PCDH9: variants seen among roughly 807,000 people sequenced by gnomAD.
PCDH9 encodes protocadherin 9.
PCDH9 carries 24 observed loss-of-function variants against 70.6 expected under a neutral mutation model. The observed-to-expected ratio is 0.34, with a 90% CI of 0.25 to 0.48. The LOEUF (loss-of-function observed/expected upper bound fraction) is 0.48. Ranked by LOEUF, PCDH9 falls within the 20% of genes least tolerant of loss-of-function variation. PCDH9 has a pLI of 0.99. For synonymous variants in PCDH9, 562 were observed against 558.5 expected (o/e 1.01, Z -0.09); for missense variants, 1,281 against 1,503.6 (o/e 0.85, Z 2.45).
At chr13:66,372,278 C>G (rs1566276686) in intron 4 of PCDH9, among the ~76,000 whole-genome samples, 1 of 151,706 alleles carries the variant, frequency 6.6e-6, no homozygotes, top group Non-Finnish European at 1.5e-5. Flanking sequence ...TAAAGTGATA[C>G]CAGAGTTCTA....
chr13:66,705,013 T>C (rs1298630737), intron 3 of PCDH9, among the ~76,000 whole-genome samples: 1 of 152,186 alleles, frequency 6.6e-6, no homozygotes, highest in Non-Finnish European at 1.5e-5. Context: ...TTTATTTTTT[T>C]GAATTTTAAT....
chr13:66,572,411 C>T (rs908982279), intron 4 of PCDH9, among the ~76,000 whole-genome samples: 1 of 152,138 alleles, frequency 6.6e-6, no homozygotes, highest in African/African-American at 2.4e-5. Flanking sequence ...CTACTCTCTA[C>T]CTCCATGAGA....
chr13:66,488,040 G>A (rs1264062984), intron 4 of PCDH9, among the ~76,000 whole-genome samples: 1 of 152,088 alleles, frequency 6.6e-6, no homozygotes, highest in African/African-American at 2.4e-5. Context: ...ACCATACACA[G>A]CATCCAACAT....
At chr13:66,752,356 G>C (rs1182730202) in intron 3 of PCDH9, among the ~76,000 whole-genome samples, 4 of 152,130 alleles carry the variant, frequency 2.6e-5, no homozygotes, top group Non-Finnish European at 5.9e-5. Flanking sequence ...ATATGCAACG[G>C]TGCAATCTTG....
At chr13:66,420,219 G>A (rs191927784) in intron 4 of PCDH9, among the ~76,000 whole-genome samples, 12 of 152,274 alleles carry the variant, frequency 7.9e-5, no homozygotes, top group South Asian at 2.1e-4. Flanking sequence ...ACAGAGCACC[G>A]AGGGTACAGG....
intron 3 of PCDH9, among the ~76,000 whole-genome samples, chr13:66,877,097 C>CA (rs1015533573): frequency 9.9e-5 from 15 of 151,482 alleles, no homozygotes; most frequent in Non-Finnish European, 1.3e-4. Context: ...TTTTAACCAT[C>CA]AAAAAATATA....
intron 2 of PCDH9, among the ~76,000 whole-genome samples, chr13:67,052,719 T>C (rs1407711449): frequency 6.6e-6 from 1 of 152,062 alleles, no homozygotes; most frequent in Non-Finnish European, 1.5e-5. Flanking sequence ...ATATAGATTA[T>C]ATATAAGTAT....
At chr13:66,951,361 T>C (rs886570211) in intron 2 of PCDH9, among the ~76,000 whole-genome samples, 16 of 152,268 alleles carry the variant, frequency 1.1e-4, no homozygotes, top group African/African-American at 3.4e-4. Flanking sequence ...GAAAATTGAA[T>C]GTAATTTTCT....
At chr13:66,417,989 G>A (rs1317083720) in intron 4 of PCDH9, among the ~76,000 whole-genome samples, 1 of 152,106 alleles carries the variant, frequency 6.6e-6, no homozygotes. Context: ...TTCTTTTGCT[G>A]TGCAGAAGCT....
intron 4 of PCDH9, among the ~76,000 whole-genome samples, chr13:66,602,941 C>T (rs997695819): frequency 1.4e-5 from 2 of 145,878 alleles, no homozygotes; most frequent in African/African-American, 4.9e-5. Flanking sequence ...AATATAGTAA[C>T]ATGTTGTACA....
intron 2 of PCDH9, among the ~76,000 whole-genome samples, chr13:67,166,726 T>C (rs1410635613): frequency 1.3e-5 from 2 of 152,182 alleles, no homozygotes; most frequent in Admixed American, 6.5e-5. Flanking sequence ...AGAAATAAAG[T>C]TCTTTCCATA....
chr13:66,632,947 A>G (rs1278626712), intron 3 of PCDH9, among the ~76,000 whole-genome samples: 2 of 152,162 alleles, frequency 1.3e-5, no homozygotes, highest in Non-Finnish European at 2.9e-5. Flanking sequence ...GAGACAATTT[A>G]TAGATTGTAT....
intron 4 of PCDH9, among the ~76,000 whole-genome samples, chr13:66,522,964 TATA>T (rs1960064680): frequency 6.6e-6 from 1 of 152,104 alleles, no homozygotes; most frequent in Non-Finnish European, 1.5e-5. Flanking sequence ...TAGCAAATAA[TATA>T]ATATCTTAAC....
intron 3 of PCDH9, among the ~76,000 whole-genome samples, chr13:66,694,711 T>A (rs984418946): frequency 6.6e-6 from 1 of 151,978 alleles, no homozygotes; most frequent in Non-Finnish European, 1.5e-5. Context: ...TGATATCATA[T>A]ATATTGTATA....
chr13:66,610,422 A>G (rs954942999), intron 4 of PCDH9, among the ~76,000 whole-genome samples: 12 of 152,124 alleles, frequency 7.9e-5, no homozygotes, highest in Non-Finnish European at 1.5e-4. Flanking sequence ...TTCATACTTT[A>G]TACCCTTTTG....
chr13:66,779,484 C>CA (rs1332859328), intron 3 of PCDH9, among the ~76,000 whole-genome samples: 1 of 151,964 alleles, frequency 6.6e-6, no homozygotes, highest in African/African-American at 2.4e-5. Context: ...GCTAGACAGA[C>CA]AAAAAATATA....
In PCDH9 at chr13:66,304,260, CAAAAAAAAAAAAA is replaced by C. The variant is rs55837718; in HGVS notation, c.*382_*394del. On this transcript the variant is annotated 3_prime_UTR_variant, in exon 5 of 5. Transcript: ENST00000377865. ...TAGCAGTCCCAGCACAAATCAATGA[CAAAAAAAAAAAAA>C]AAAAAAAAAAAAAGCACAATTTTCT... The C allele has an allele frequency of 1.6e-5, 1 of 63,540 alleles. No individual in the cohort carries two copies. Among genetic ancestry groups the C allele is most frequent in the Admixed American group, 2.3e-4 (1 of 4,360 alleles). 3.9% of individuals were successfully genotyped at this position (63,540 alleles called of 1,614,324 possible).
At chr13:66,986,494 C>T (rs1202096361) in intron 2 of PCDH9, among the ~76,000 whole-genome samples, 1 of 151,912 alleles carries the variant, frequency 6.6e-6, no homozygotes, top group Non-Finnish European at 1.5e-5. Context: ...ATATGGAATT[C>T]AGTATAACTT....
chr13:67,203,525 A>T (rs1469632900), intron 2 of PCDH9: 1 of 152,116 alleles, frequency 6.6e-6, no homozygotes, highest in Non-Finnish European at 1.5e-5. Context: ...ATTTACTAGA[A>T]TACCATTGCC....
Sources: allele counts gnomAD v4.1 joint callset (sites outside exome capture counted in the v4.1 genomes callset), GRCh38; gene constraint gnomAD v4.1.1; transcripts MANE v1.5; gene names NCBI Gene and HGNC (gene_info 2026-07-23, HGNC 2026-07-21).